Variants in MAPT observed in about 807,000 individuals in gnomAD.
MAPT encodes the protein microtubule associated protein tau, also known as microtubule-associated protein tau.
A neutral mutation model predicts 67.9 loss-of-function variants in MAPT; 34 were observed. That is an observed-to-expected ratio of 0.50 (90% CI 0.38 to 0.67). The LOEUF is 0.67. Ranked by LOEUF, MAPT falls within the 30% of genes least tolerant of loss-of-function variation. MAPT has a pLI of 0.00. For synonymous variants in MAPT, 456 were observed against 464.5 expected (o/e 0.98, Z 0.23); for missense variants, 881 against 1,115.2 (o/e 0.79, Z 2.99).
intron 9 of MAPT, among the ~76,000 whole-genome samples, chr17:46,008,904 A>G (rs2075631646): frequency 6.6e-6 from 1 of 152,208 alleles, no homozygotes; most frequent in Admixed American, 6.5e-5. Context: ...GACGAATAAA[A>G]ACCAGAGTGC....
At chr17:45,899,054 C>A (rs149960348) in intron 1 of MAPT, among the ~76,000 whole-genome samples, 68 of 152,302 alleles carry the variant, frequency 4.5e-4, no homozygotes, top group African/African-American at 1.5e-3. Context: ...GGCACCTCAG[C>A]AGGTGACGGG....
intron 1 of MAPT, among the ~76,000 whole-genome samples, chr17:45,955,418 A>G (rs2069525267): frequency 1.3e-5 from 2 of 152,020 alleles, no homozygotes; most frequent in South Asian, 4.2e-4. Flanking sequence ...GTTGCTCTCT[A>G]CCCATCCAAT....
chr17:46,014,866 G>C (rs933463123), intron 11 of MAPT, among the ~76,000 whole-genome samples: 13 of 135,466 alleles, frequency 9.6e-5, no homozygotes, highest in African/African-American at 3.3e-4. Flanking sequence ...CTGGGCGACA[G>C]AGCGAGACTC....
intron 2 of MAPT, 147 bp downstream of exon 2, chr17:45,962,617 C>A: frequency 1.8e-6 from 2 of 1,132,858 alleles, no homozygotes; most frequent in Non-Finnish European, 2.6e-6. Context: ...TTTGAGTGGG[C>A]CAAGATAACT....
intron 1 of MAPT, among the ~76,000 whole-genome samples, chr17:45,925,850 T>C (rs2066236766): frequency 6.6e-6 from 1 of 152,248 alleles, no homozygotes; most frequent in South Asian, 2.1e-4. Context: ...TATTTTCCTG[T>C]ATTTGATAAT....
At chr17:46,018,268 G>A (rs1383883471) in intron 11 of MAPT, among the ~76,000 whole-genome samples, 1 of 152,144 alleles carries the variant, frequency 6.6e-6, no homozygotes, top group African/African-American at 2.4e-5. Flanking sequence ...AGTTTACAGT[G>A]TAAATATTTG....
Position 45,971,989 on chromosome 17 carries a change from C to T in MAPT, c.220+44C>T, listed in dbSNP as rs371287611. 2.0e-6 allele frequency: 3 copies of T among 1,478,094 alleles called. No homozygotes were observed. Among genetic ancestry groups the T allele is most frequent in the Non-Finnish European group, 2.8e-6 (3 of 1,057,282 alleles). The allele number at this position is 1,478,094 out of a possible 1,614,324, so 91.6% of individuals were successfully genotyped here. Reference sequence around the variant, plus strand: ...GCCCCCTCCATGCCTCCAGCCTGTGCTTAGCCGTGCTTTGAGCCTCCCTCC... The same window carrying T: ...GCCCCCTCCATGCCTCCAGCCTGTGTTTAGCCGTGCTTTGAGCCTCCCTCC... On this transcript the variant is annotated intron_variant, in intron 3 of 12. Transcript: ENST00000262410. This position sits in a 1 kb window ranked among gnomAD's most constrained non-coding sequence, Gnocchi z 4.3.
intron 3 of MAPT, chr17:45,973,174 G>T (rs181081594): frequency 6.6e-6 from 1 of 152,154 alleles, no homozygotes; most frequent in Non-Finnish European, 1.5e-5. Context: ...TCAAGTGCCC[G>T]CCTCTTGCTT....
rs1261221296 is a variant in MAPT at position 45,983,817 on chromosome 17, G to A, written c.1238G>A (p.Arg413Gln). 12 of 1,612,900 alleles carry A rather than the reference G, an allele frequency of 7.4e-6. No individual in the cohort carries two copies. The highest frequency in any genetic ancestry group is 3.3e-5 in the Admixed American group (2 of 59,860). Residue 413 changes from arginine (R) to glutamine (Q), a missense_variant, in exon 5 of 13, where the codon CGG (arginine) becomes CAG (glutamine). Arg to Gln is a conservative substitution (Grantham distance 43). This residue lies in a region of MAPT where 687 missense variants were observed against 766.1 expected (regional missense o/e 0.90). Transcript: ENST00000262410. ...GCCCCTGGAGAGGGGCCAGAGGCCC[G>A]GGGCCCCTCTTTGGGAGAGGACACA... ...PGAPGEGPEA[R>Q]GPSLGEDTKE... is the part of the protein sequence containing the mutation.
intron 1 of MAPT, among the ~76,000 whole-genome samples, chr17:45,957,615 G>A (rs2069885832): frequency 1.3e-5 from 2 of 152,308 alleles, no homozygotes; most frequent in African/African-American, 4.8e-5. Flanking sequence ...TCATCCACGT[G>A]TTGATGGGGA....
intron 1 of MAPT, chr17:45,907,774 A>G (rs1027707588): frequency 3.9e-5 from 6 of 152,250 alleles, no homozygotes; most frequent in African/African-American, 1.4e-4. Flanking sequence ...GAAGATGCTG[A>G]TAATAATAGC....
intron 1 of MAPT, among the ~76,000 whole-genome samples, chr17:45,958,891 C>T (rs995713018): frequency 1.3e-5 from 2 of 151,856 alleles, no homozygotes; most frequent in Non-Finnish European, 1.5e-5. Flanking sequence ...GGTGAAATCC[C>T]GTCTCTACAA....
At chr17:45,928,341 C>T (rs2066547456) in intron 1 of MAPT, among the ~76,000 whole-genome samples, 1 of 152,126 alleles carries the variant, frequency 6.6e-6, no homozygotes, top group African/African-American at 2.4e-5. Context: ...TAACTTGTGC[C>T]CATCCTTCAG....
chr17:45,936,059 TGAAG>T (rs2067294117), intron 1 of MAPT, among the ~76,000 whole-genome samples: 5 of 152,246 alleles, frequency 3.3e-5, no homozygotes, highest in Admixed American at 2.6e-4. Context: ...TTGCTCAGCA[TGAAG>T]CCATGCGTGT....
intron 1 of MAPT, chr17:45,908,154 G>A (rs1221151744): frequency 6.6e-6 from 1 of 152,304 alleles, no homozygotes. Flanking sequence ...CTGCTTCATG[G>A]CGCCGGTGAC....
rs867581295 is a variant in MAPT at position 46,024,333 on chromosome 17, C to T, written c.*162C>T. 17 of 691,740 alleles carry T rather than the reference C, an allele frequency of 2.5e-5. No individual in the cohort carries two copies. Among genetic ancestry groups the T allele is most frequent in the South Asian group, 8.1e-5 (5 of 61,478 alleles). 42.9% of individuals were successfully genotyped at this position (691,740 alleles called of 1,614,324 possible). On this transcript the variant is annotated 3_prime_UTR_variant, in exon 13 of 13. Transcript: ENST00000262410. ...CTGCTTTTGTCACTCGGCTTTGGCT[C>T]GGGACTTCAAAATCAGTGATGGGAG...
intron 5 of MAPT, among the ~76,000 whole-genome samples, 166 bp downstream of exon 5, chr17:45,984,096 C>T (rs1194745320): frequency 6.6e-6 from 1 of 152,238 alleles, no homozygotes; most frequent in Non-Finnish European, 1.5e-5. Flanking sequence ...CCCTCGGCCT[C>T]CTCCCGTGCT....
At chr17:46,001,742 G>A (rs1282831640) in intron 9 of MAPT, among the ~76,000 whole-genome samples, 1 of 152,204 alleles carries the variant, frequency 6.6e-6, no homozygotes, top group African/African-American at 2.4e-5. Flanking sequence ...GGGCACTTCT[G>A]AGCACCAGGC....
At position 46,024,232 on chromosome 17, in the gene MAPT, A is replaced by G; in HGVS notation, c.*61A>G. On this transcript the variant is annotated 3_prime_UTR_variant, in exon 13 of 13. Coordinates refer to ENST00000262410, the MANE Select transcript of MAPT (RefSeq NM_001377265.1). ...AGAGAATGAGAGAGTGTGGAAAAAA[A>G]AAGAATAATGACCCGGCCCCCGCCC... 2 of 1,490,010 alleles carry G rather than the reference A, an allele frequency of 1.3e-6. No homozygotes were observed. Among genetic ancestry groups the G allele is most frequent in the African/African-American group, 1.4e-5 (1 of 72,590 alleles). The allele number at this position is 1,490,010 out of a possible 1,614,324, so 92.3% of individuals were successfully genotyped here.
Sources: gnomAD v4.1 joint callset for allele counts (sites outside exome capture counted in the v4.1 genomes callset) on GRCh38, gnomAD v4.1.1 for gene constraint, gnomAD v4.1.1 regional missense constraint, Gnocchi (gnomAD v3.1) non-coding constraint, MANE v1.5 for transcripts, NCBI Gene and HGNC (gene_info 2026-07-23, HGNC 2026-07-21) for gene names.